The following KIAA1217 variants were observed in gnomAD, a reference collection of about 807,000 sequenced individuals.
The protein encoded by KIAA1217 is KIAA1217.
In KIAA1217, 88 loss-of-function variants were observed where a neutral mutation model predicts 163.9. The observed-to-expected ratio is 0.54, with a 90% CI of 0.45 to 0.64. The LOEUF is 0.64. KIAA1217 is among the 30% of genes least tolerant of loss of function. The pLI, the probability that KIAA1217 is intolerant of heterozygous loss-of-function variation, is 0.00. For missense variants in KIAA1217, 2,372 were observed against 2,475.0 expected, an observed-to-expected ratio of 0.96 and a Z score of 0.88; for synonymous variants, 903 against 923.1, an observed-to-expected ratio of 0.98 and a Z score of 0.39.
intron 2 of KIAA1217, chr10:24,255,419 C>T (rs570072855): frequency 4.2e-5 from 16 of 381,984 alleles, no homozygotes; most frequent in South Asian, 2.4e-4. Context: ...GGGCGGGTCC[C>T]GCCACCCGTG....
intron 1 of KIAA1217, among the ~76,000 whole-genome samples, chr10:23,741,090 A>G (rs1203331826): frequency 4.6e-5 from 7 of 152,218 alleles, no homozygotes; most frequent in African/African-American, 9.6e-5. Context: ...CATAGCCGCA[A>G]TCTGTGTCTT....
At chr10:23,766,780 G>T (rs538563361) in intron 1 of KIAA1217, among the ~76,000 whole-genome samples, 116 of 151,846 alleles carry the variant, frequency 7.6e-4, no homozygotes, top group Admixed American at 2.0e-3. Context: ...GCGGAGACGG[G>T]GTTTCACCAT....
intron 1 of KIAA1217, among the ~76,000 whole-genome samples, chr10:23,876,750 T>A (rs2131177582): frequency 6.6e-6 from 1 of 152,106 alleles, no homozygotes; most frequent in Admixed American, 6.6e-5. Context: ...AGTGCTTTTT[T>A]TTTCTTGCCT....
At chr10:24,237,673 C>G (rs970309395) in intron 2 of KIAA1217, among the ~76,000 whole-genome samples, 1 of 152,190 alleles carries the variant, frequency 6.6e-6, no homozygotes, top group Admixed American at 6.5e-5. Flanking sequence ...CTGAATCAAG[C>G]CTAGATCTGG....
At chr10:24,299,111 A>G (rs1454326832) in intron 2 of KIAA1217, among the ~76,000 whole-genome samples, 2 of 152,326 alleles carry the variant, frequency 1.3e-5, no homozygotes, top group African/African-American at 2.4e-5. Context: ...AATAACGCTA[A>G]TGTCATCTGG....
chr10:24,304,219 T>C (rs908993824), intron 2 of KIAA1217, among the ~76,000 whole-genome samples: 2 of 151,704 alleles, frequency 1.3e-5, no homozygotes, highest in African/African-American at 4.8e-5. Context: ...TTTTTTTTTT[T>C]TTTGCCTGAC....
chr10:23,922,556 TG>T (rs1441993924), intron 1 of KIAA1217, among the ~76,000 whole-genome samples: 6 of 152,166 alleles, frequency 3.9e-5, no homozygotes, highest in Non-Finnish European at 7.3e-5. Flanking sequence ...GTGGGGTCTG[TG>T]CTAACTCAGG....
chr10:23,967,584 G>A (rs1158236387), intron 1 of KIAA1217, among the ~76,000 whole-genome samples: 1 of 152,126 alleles, frequency 6.6e-6, no homozygotes. Flanking sequence ...AGAATGCTAG[G>A]TAGTATTGCC....
At chr10:24,520,781 G>A (rs1284948834) in intron 11 of KIAA1217, among the ~76,000 whole-genome samples, 2 of 148,598 alleles carry the variant, frequency 1.3e-5, no homozygotes, top group Non-Finnish European at 3.0e-5. Context: ...GTGAGGTCAA[G>A]GCTATGGTGA....
At chr10:24,254,915 G>T (rs1038490305) in intron 2 of KIAA1217, among the ~76,000 whole-genome samples, 1 of 151,222 alleles carries the variant, frequency 6.6e-6, no homozygotes, top group South Asian at 2.1e-4. Context: ...GTGCAATGAC[G>T]TAATCTTGGC....
At chr10:24,310,557 A>G (rs1294579602) in intron 2 of KIAA1217, among the ~76,000 whole-genome samples, 1 of 152,212 alleles carries the variant, frequency 6.6e-6, no homozygotes, top group East Asian at 1.9e-4. Flanking sequence ...AGAGTTTGAA[A>G]TCACAAATTA....
intron 2 of KIAA1217, among the ~76,000 whole-genome samples, chr10:24,373,417 A>G (rs749227927): frequency 5.3e-5 from 8 of 152,016 alleles, no homozygotes; most frequent in African/African-American, 7.2e-5. Context: ...TCTAACCCCA[A>G]TTTAGGGAGA....
intron 1 of KIAA1217, among the ~76,000 whole-genome samples, chr10:23,860,089 G>A (rs143879970): frequency 1.3e-3 from 205 of 152,182 alleles, no homozygotes; most frequent in African/African-American, 4.8e-3. Context: ...CCTGCCCCTC[G>A]TACGTTCTGA....
intron 2 of KIAA1217, among the ~76,000 whole-genome samples, chr10:24,095,345 G>A (rs760714717): frequency 1.9e-4 from 29 of 152,276 alleles, no homozygotes; most frequent in Middle Eastern, 3.4e-3. Flanking sequence ...GCTGGGAGCC[G>A]TAGACCGGAG....
chr10:23,757,056 A>G (rs1404552214), intron 1 of KIAA1217, among the ~76,000 whole-genome samples: 2 of 152,150 alleles, frequency 1.3e-5, no homozygotes. Flanking sequence ...AGAATTTTCT[A>G]CTTTTTTAAG....
chr10:23,833,068 A>G (rs1838287900), intron 1 of KIAA1217, among the ~76,000 whole-genome samples: 1 of 152,164 alleles, frequency 6.6e-6, no homozygotes, highest in South Asian at 2.1e-4. Context: ...GCCAAACCAT[A>G]TCAATACTTA....
In KIAA1217 at chr10:24,513,362, G is replaced by A. The variant is rs367915878; in HGVS notation, c.2105G>A (p.Arg702Gln). 6.9e-5 allele frequency: 111 copies of A among 1,614,072 alleles called. No individual in the cohort carries two copies. The highest frequency in any genetic ancestry group is 8.6e-5 in the Non-Finnish European group (102 of 1,180,052). The change falls in exon 10 of 21, where the codon CGA becomes CAA. Residue 702 changes from arginine (R) to glutamine (Q), a missense_variant. Transcript: ENST00000376454. ...TMKRLEDPVQ[R>Q]QRVLVEQERQ... Reference sequence around the variant, plus strand: ...AAGAGACTGGAGGATCCCGTGCAGCGACAGCGCGTCCTAGTGGAGCAAGAG... The same window carrying A: ...AAGAGACTGGAGGATCCCGTGCAGCAACAGCGCGTCCTAGTGGAGCAAGAG...
chr10:23,862,892 T>C (rs376769867), intron 1 of KIAA1217, among the ~76,000 whole-genome samples: 1 of 152,150 alleles, frequency 6.6e-6, no homozygotes, highest in East Asian at 1.9e-4. Context: ...ATATTTACCA[T>C]TTCTTCTTCT....
At chr10:24,246,028 T>C (rs908043829) in intron 2 of KIAA1217, among the ~76,000 whole-genome samples, 1 of 152,200 alleles carries the variant, frequency 6.6e-6, no homozygotes. Flanking sequence ...TTTTTGTTTT[T>C]TAATTGTCTC....
Sources: gnomAD v4.1 joint callset for allele counts (sites outside exome capture counted in the v4.1 genomes callset) on GRCh38, gnomAD v4.1.1 for gene constraint, MANE v1.5 for transcripts, NCBI Gene and HGNC (gene_info 2026-07-23, HGNC 2026-07-21) for gene names.